The following C6orf118 variants were observed in gnomAD, a reference collection of about 807,000 sequenced individuals.
The protein encoded by C6orf118 is uncharacterized protein C6orf118.
Under a neutral mutation model 50.2 loss-of-function variants are expected in C6orf118, and 50 were observed. The observed-to-expected ratio is 1.00, with a 90% CI of 0.79 to 1.26. The LOEUF (loss-of-function observed/expected upper bound fraction) is 1.26. Among genes scored for constraint, C6orf118 ranks in the 50% most tolerant of loss-of-function variants. C6orf118 has a pLI of 0.00. For missense variants in C6orf118, 641 were observed against 578.7 expected, an observed-to-expected ratio of 1.11 and a Z score of -1.10; for synonymous variants, 239 against 230.9, an observed-to-expected ratio of 1.03 and a Z score of -0.32.
intron 1 of C6orf118, among the ~76,000 whole-genome samples, chr6:165,305,008 T>C (rs928329338): frequency 1.3e-5 from 1 of 77,416 alleles, no homozygotes; most frequent in African/African-American, 7.1e-5. Flanking sequence ...AGAGCCCGCA[T>C]CACCAAGTCA....
In C6orf118 at chr6:165,286,862, C is replaced by A. The variant is rs542564532; in HGVS notation, c.1302+3024G>T. ...TGGAAGCATTCCTCTTTAAAACTGGCATGCACAAGATAAGAATGCCCTCGC... is the reference window on the plus strand; with the variant it reads ...TGGAAGCATTCCTCTTTAAAACTGGAATGCACAAGATAAGAATGCCCTCGC... On this transcript the variant is annotated intron_variant, in intron 7 of 8. Transcript: ENST00000230301. Among the ~76,000 whole-genome samples the A allele has an allele frequency of 8.3e-3, 1,258 of 152,194 alleles. 11 individuals are homozygous for A. Among genetic ancestry groups the A allele is most frequent in the Middle Eastern group, 0.027 (8 of 294 alleles).
chr6:165,286,091 G>A (rs1779894844), intron 7 of C6orf118, among the ~76,000 whole-genome samples: 1 of 151,878 alleles, frequency 6.6e-6, no homozygotes. Context: ...AAATGATAAA[G>A]GGAATATCAC....
rs1383306128 is a variant in C6orf118, at chr6:165,290,062, A to G, written c.1126T>C (p.Ser376Pro). 6.3e-7 allele frequency: 1 copy of G among 1,583,592 alleles called. No homozygotes were observed. The change falls in exon 7 of 9, where the codon TCT (serine) becomes CCT (proline). Residue 376 changes from serine (S) to proline (P), a missense_variant. Coordinates refer to ENST00000230301, the MANE Select transcript of C6orf118 (RefSeq NM_144980.4). ...LQSAKERSES[S>P]EKHIIDENRL... ...TTTTCATCAATTATATGTTTCTCAG[A>G]TGATTCTGGAAATATTTTTTAAAAC...
chr6:165,290,195 G>A (rs1473588418), intron 6 of C6orf118, 128 bp from the exon 7 acceptor site: 15 of 585,846 alleles, frequency 2.6e-5, no homozygotes, highest in Admixed American at 1.1e-4. Flanking sequence ...ATTCAAACTC[G>A]AAGCATGTCA....
chr6:165,300,994 C>A (rs540732773), intron 2 of C6orf118, among the ~76,000 whole-genome samples: 46 of 152,268 alleles, frequency 3.0e-4, no homozygotes, highest in African/African-American at 1.0e-3. Flanking sequence ...GGTTCTTCCA[C>A]CGTCAGCCAG....
intron 5 of C6orf118, among the ~76,000 whole-genome samples, chr6:165,297,401 TAAA>T (rs762133971): frequency 1.0e-4 from 13 of 124,286 alleles, no homozygotes; most frequent in Non-Finnish European, 1.2e-4. Flanking sequence ...AAGTCTCCAT[TAAA>T]AAAAAAAAAA....
At chr6:165,281,888 G>A (rs562859957) in intron 7 of C6orf118, 195 bp from the exon 8 acceptor site, 22 of 324,616 alleles carry the variant, frequency 6.8e-5, no homozygotes, top group East Asian at 2.9e-4. Context: ...TGGTCCTCCC[G>A]GTAAAAAACT....
rs750749371 is a variant in C6orf118, at chr6:165,298,092, C to T, written c.946G>A (p.Ala316Thr). Residue 316 changes from alanine to threonine, a missense_variant, in exon 5 of 9, where the codon GCT becomes ACT. Ala to Thr is a moderately conservative substitution (Grantham distance 58). Transcript: ENST00000230301. ...QPAAQYEALL[A>T]QLKALGQRPV... ...CTCTGCCCCAGCGCCTTGAGTTGAG[C>T]CAGAAGAGCCTAGGCAGGACCAGGT... is the stretch of plus-strand genomic sequence containing the variant. The T allele has an allele frequency of 4.4e-6, 7 of 1,600,484 alleles. No homozygotes were observed. In the South Asian group the frequency reaches 7.9e-5, roughly 18 times the overall value.
intron 3 of C6orf118, 65 bp from the exon 4 acceptor site, chr6:165,299,567 G>C: frequency 8.1e-7 from 1 of 1,241,106 alleles, no homozygotes; most frequent in South Asian, 1.3e-5. Flanking sequence ...GGTGTTTCAC[G>C]TGTATAAATA....
At chr6:165,288,637 G>C (rs1779999161) in intron 7 of C6orf118, among the ~76,000 whole-genome samples, 1 of 152,038 alleles carries the variant, frequency 6.6e-6, no homozygotes, top group Non-Finnish European at 1.5e-5. Context: ...CTTTGCAGGG[G>C]TATGGATGGA....
chr6:165,291,056 G>A (rs1452751464), intron 6 of C6orf118, among the ~76,000 whole-genome samples: 3 of 152,156 alleles, frequency 2.0e-5, no homozygotes, highest in Non-Finnish European at 4.4e-5. Flanking sequence ...CATGAGAATA[G>A]TATGGGGGAA....
At chr6:165,309,308 C>T (rs1031827647) in intron 1 of C6orf118, among the ~76,000 whole-genome samples, 2 of 152,240 alleles carry the variant, frequency 1.3e-5, no homozygotes, top group Non-Finnish European at 2.9e-5. Context: ...TCCGTCCGCG[C>T]AGGTCCACAC....
chr6:165,299,561 T>A, intron 3 of C6orf118, 59 bp from the exon 4 acceptor site: 1 of 1,295,650 alleles, frequency 7.7e-7, no homozygotes, highest in Non-Finnish European at 1.1e-6. Context: ...AGTGCAGGTG[T>A]TTCACGTGTA....
Sources: allele counts gnomAD v4.1 joint callset (sites outside exome capture counted in the v4.1 genomes callset), GRCh38; gene constraint gnomAD v4.1.1; transcripts MANE v1.5; gene names NCBI Gene and HGNC (gene_info 2026-07-23, HGNC 2026-07-21).